Variants in KCNQ3 observed in about 807,000 individuals in gnomAD.
The protein encoded by KCNQ3 is potassium voltage-gated channel subfamily Q member 3, also known as potassium voltage-gated channel subfamily KQT member 3.
A neutral mutation model predicts 92.5 loss-of-function variants in KCNQ3; 30 were observed. The observed-to-expected ratio is 0.32, with a 90% CI of 0.24 to 0.44. The LOEUF (loss-of-function observed/expected upper bound fraction) is 0.44. KCNQ3 is among the 20% of genes least tolerant of loss of function. KCNQ3 has a pLI of 1.00. For synonymous variants in KCNQ3, 450 were observed against 468.8 expected (o/e 0.96, Z 0.52); for missense variants, 913 against 1,140.3 (o/e 0.80, Z 2.87).
intron 1 of KCNQ3, among the ~76,000 whole-genome samples, chr8:132,354,027 C>A (rs1468638698): frequency 6.6e-6 from 1 of 152,156 alleles, no homozygotes; most frequent in African/African-American, 2.4e-5. Context: ...ACACACAGAG[C>A]AGGAATATAG....
intron 1 of KCNQ3, among the ~76,000 whole-genome samples, chr8:132,286,022 A>C (rs531441635): frequency 1.3e-5 from 2 of 152,250 alleles, no homozygotes; most frequent in East Asian, 1.9e-4. Context: ...AGAATGTAAG[A>C]GTTATGGAAG....
At chr8:132,291,861 G>GT (rs1816845535) in intron 1 of KCNQ3, among the ~76,000 whole-genome samples, 1 of 152,176 alleles carries the variant, frequency 6.6e-6, no homozygotes, top group Non-Finnish European at 1.5e-5. Context: ...AATATAAAAT[G>GT]TAAAAAGATT....
chr8:132,235,992 C>T (rs1814802314), intron 1 of KCNQ3, among the ~76,000 whole-genome samples: 1 of 152,208 alleles, frequency 6.6e-6, no homozygotes, highest in Non-Finnish European at 1.5e-5. Flanking sequence ...ACAGCTCAGT[C>T]TCTAAGACCC....
chr8:132,405,611 T>C (rs1563898318), intron 1 of KCNQ3, among the ~76,000 whole-genome samples: 2 of 152,212 alleles, frequency 1.3e-5, no homozygotes, highest in African/African-American at 4.8e-5. Context: ...GATGCAAAGG[T>C]GAATGATGGG....
At chr8:132,427,464 A>G (rs2130819133) in intron 1 of KCNQ3, among the ~76,000 whole-genome samples, 1 of 152,330 alleles carries the variant, frequency 6.6e-6, no homozygotes, top group African/African-American at 2.4e-5. Context: ...AACCATACAG[A>G]CCATGCTTTT....
chr8:132,130,840 A>G (rs1223535520), intron 14 of KCNQ3, among the ~76,000 whole-genome samples: 2 of 152,210 alleles, frequency 1.3e-5, no homozygotes, highest in African/African-American at 4.8e-5. Flanking sequence ...ACTTTTGTGA[A>G]TGAATATACA....
chr8:132,250,953 A>G (rs753296206), intron 1 of KCNQ3, among the ~76,000 whole-genome samples: 1 of 152,184 alleles, frequency 6.6e-6, no homozygotes, highest in African/African-American at 2.4e-5. Context: ...ACCAGATAAG[A>G]TCATTAGAAA....
intron 1 of KCNQ3, among the ~76,000 whole-genome samples, chr8:132,258,450 C>T (rs1815664939): frequency 6.6e-6 from 1 of 151,990 alleles, no homozygotes; most frequent in African/African-American, 2.4e-5. Flanking sequence ...TTAGAAAATA[C>T]TTTGACATGA....
intron 9 of KCNQ3, among the ~76,000 whole-genome samples, chr8:132,157,720 T>C (rs1825847692): frequency 6.6e-6 from 1 of 152,192 alleles, no homozygotes; most frequent in African/African-American, 2.4e-5. Flanking sequence ...TGCAGGTTTG[T>C]TCCATAGGTA....
chr8:132,355,955 T>C (rs751481769), intron 1 of KCNQ3, among the ~76,000 whole-genome samples: 1 of 152,202 alleles, frequency 6.6e-6, no homozygotes, highest in Non-Finnish European at 1.5e-5. Context: ...GCAAATGTCA[T>C]CTTGATGCCA....
At position 132,481,087 on chromosome 8, in the gene KCNQ3, G is replaced by GCGC. The variant is rs1822555140; in HGVS notation, c.-556_-555insGCG. On this transcript the variant is annotated 5_prime_UTR_variant, in exon 1 of 15. Transcript: ENST00000388996. ...CAGCAGCGAGCGCGCCGCGGGCCGAGAGCACGCCGCGTCCCTCCCTCCCTC... is the reference window on the plus strand; with the variant it reads ...CAGCAGCGAGCGCGCCGCGGGCCGAGCGCAGCACGCCGCGTCCCTCCCTCCCTC... The GCGC allele has an allele frequency of 1.3e-5, 2 of 152,806 alleles. No individual in the cohort carries two copies. The highest frequency in any genetic ancestry group is 4.8e-5 in the African/African-American group (2 of 41,258). The allele number at this position is 152,806 out of a possible 1,614,324, so 9.5% of individuals were successfully genotyped here. A position where few individuals can be genotyped will look rare whatever the true frequency, so the allele number is the denominator to read the frequency against.
chr8:132,265,225 A>T (rs1815942836), intron 1 of KCNQ3, among the ~76,000 whole-genome samples: 1 of 152,242 alleles, frequency 6.6e-6, no homozygotes, highest in East Asian at 1.9e-4. Flanking sequence ...GTGGTTTTAA[A>T]ATTTGAGTAA....
rs1392623473 is a variant in KCNQ3 at position 132,129,206 on chromosome 8, AG to A, written c.*55del. On this transcript the variant is annotated 3_prime_UTR_variant, in exon 15 of 15. Coordinates refer to ENST00000388996, the MANE Select transcript of KCNQ3 (RefSeq NM_004519.4). This position sits in a 1 kb window ranked among gnomAD's most constrained non-coding sequence, Gnocchi z 5.9. ...CTGGTAAGCGTCGGGTGTAAGAGTA[AG>A]TGAACTATACAAAGTCTGTCTACAT... 6.3e-7 allele frequency: 1 copy of A among 1,588,712 alleles called. No individual in the cohort carries two copies. Among genetic ancestry groups the A allele is most frequent in the Non-Finnish European group, 8.5e-7 (1 of 1,170,102 alleles).
chr8:132,448,876 G>A (rs1225536698), intron 1 of KCNQ3, among the ~76,000 whole-genome samples: 1 of 152,062 alleles, frequency 6.6e-6, no homozygotes, highest in African/African-American at 2.4e-5. Flanking sequence ...GCATTTATTT[G>A]AGCAGGAAGG....
At chr8:132,282,654 G>T (rs1254327572) in intron 1 of KCNQ3, among the ~76,000 whole-genome samples, 1 of 152,132 alleles carries the variant, frequency 6.6e-6, no homozygotes, top group South Asian at 2.1e-4. Flanking sequence ...CTTGGCATAG[G>T]GCTGCCTTCT....
chr8:132,398,254 T>C (rs1190870066), intron 1 of KCNQ3, among the ~76,000 whole-genome samples: 2 of 152,214 alleles, frequency 1.3e-5, no homozygotes, highest in Non-Finnish European at 1.5e-5. Context: ...TCTCTCCCCC[T>C]CTTCAACTAG....
At chr8:132,463,115 A>G (rs1295817502) in intron 1 of KCNQ3, among the ~76,000 whole-genome samples, 3 of 152,236 alleles carry the variant, frequency 2.0e-5, no homozygotes, top group Admixed American at 2.0e-4. Flanking sequence ...ACATGTTCAC[A>G]TCTATGAAAG....
intron 4 of KCNQ3, among the ~76,000 whole-genome samples, chr8:132,177,491 T>C (rs1826602411): frequency 6.6e-6 from 1 of 152,150 alleles, no homozygotes; most frequent in Admixed American, 6.5e-5. Flanking sequence ...TGCAGGATTC[T>C]CCAGGTTCCT....
chr8:132,140,507 A>T, intron 10 of KCNQ3: 1 of 345,536 alleles, frequency 2.9e-6, no homozygotes, highest in Non-Finnish European at 5.4e-6. Context: ...AGAAGCCAGC[A>T]AACAACACAC....
Sources: gnomAD v4.1 joint callset for allele counts (sites outside exome capture counted in the v4.1 genomes callset) on GRCh38, gnomAD v4.1.1 for gene constraint, Gnocchi (gnomAD v3.1) non-coding constraint, MANE v1.5 for transcripts, NCBI Gene and HGNC (gene_info 2026-07-23, HGNC 2026-07-21) for gene names.